ABCC9: variants seen among roughly 807,000 people sequenced by gnomAD.
The protein encoded by ABCC9 is ATP-binding cassette sub-family C member 9.
ABCC9 carries 95 observed loss-of-function variants against 188.3 expected under a neutral mutation model. The ratio of observed to expected loss-of-function variants is 0.50; its 90% confidence interval spans 0.43 to 0.60. The LOEUF is 0.60. Among genes scored for constraint, ABCC9 ranks in the 20% least tolerant of loss-of-function variants. The probability of loss-of-function intolerance (pLI) is 0.00; values close to 1 mark genes in which losing one functional copy is unlikely to be tolerated. For missense variants in ABCC9, 1,102 were observed against 1,876.3 expected, an observed-to-expected ratio of 0.59 and a Z score of 7.62; for synonymous variants, 659 against 652.7, an observed-to-expected ratio of 1.01 and a Z score of -0.15.
At chr12:21,896,082 T>TC (rs924353451) in intron 12 of ABCC9, among the ~76,000 whole-genome samples, 2 of 48,174 alleles carry the variant, frequency 4.2e-5, no homozygotes, top group East Asian at 4.0e-4. Flanking sequence ...TAATTTTCTT[T>TC]TTTTTTTTTT....
intron 12 of ABCC9, among the ~76,000 whole-genome samples, chr12:21,901,369 A>G (rs1947741181): frequency 6.6e-6 from 1 of 152,328 alleles, no homozygotes; most frequent in Admixed American, 6.5e-5. Flanking sequence ...TTTAAAGCCC[A>G]TCGATGCTAG....
At chr12:21,891,673 A>G (rs1210622195) in intron 14 of ABCC9, among the ~76,000 whole-genome samples, 1 of 152,200 alleles carries the variant, frequency 6.6e-6, no homozygotes, top group Non-Finnish European at 1.5e-5. Context: ...TCTTACATGC[A>G]TGTATAGCAC....
chr12:21,882,666 CAATTT>C (rs1435828212), intron 16 of ABCC9, 95 bp downstream of exon 16: 1 of 1,096,070 alleles, frequency 9.1e-7, no homozygotes, highest in African/African-American at 1.6e-5. Flanking sequence ...ACTGTAAAAA[CAATTT>C]AAAGGCACAA....
At chr12:21,817,960 C>T (rs763990022) in intron 32 of ABCC9, among the ~76,000 whole-genome samples, 190 bp downstream of exon 32, 10 of 151,980 alleles carry the variant, frequency 6.6e-5, no homozygotes, top group Non-Finnish European at 1.3e-4. Context: ...TATACGTGTG[C>T]CATGATGGTT....
At chr12:21,829,700 C>T (rs1294355622) in intron 30 of ABCC9, among the ~76,000 whole-genome samples, 2 of 152,000 alleles carry the variant, frequency 1.3e-5, no homozygotes, top group Non-Finnish European at 1.5e-5. Flanking sequence ...AAAGCATAGC[C>T]TACTACATTA....
chr12:21,841,860 A>G (rs1015394330), intron 29 of ABCC9, among the ~76,000 whole-genome samples: 1 of 152,284 alleles, frequency 6.6e-6, no homozygotes, highest in East Asian at 1.9e-4. Context: ...GTCAGGATAG[A>G]TTTCATTATG....
intron 16 of ABCC9, among the ~76,000 whole-genome samples, chr12:21,878,030 G>A (rs530914562): frequency 1.3e-5 from 2 of 152,100 alleles, no homozygotes; most frequent in African/African-American, 2.4e-5. Context: ...AACAATGACC[G>A]TGAAATTAAA....
Position 21,915,517 on chromosome 12 carries a change from T to TTTA in ABCC9, c.816+150_816+151insTAA, listed in dbSNP as rs1948563479. ...GTGTGTGTGTATATATATATATATT[T>TTTA]TTTTTTTTTTTTTGAGACAGAGTCT... On this transcript the variant is annotated intron_variant, in intron 7 of 39. Transcript: ENST00000261200. 1.3e-4 allele frequency: 6 copies of TTTA among 44,916 alleles called. 1 individual carries two copies. The highest frequency in any genetic ancestry group is 5.5e-4 in the Admixed American group (2 of 3,618). 2.8% of individuals were successfully genotyped at this position (44,916 alleles called of 1,614,324 possible).
At chr12:21,923,241 C>T (rs2137978578) in intron 5 of ABCC9, 1 of 151,434 alleles carries the variant, frequency 6.6e-6, no homozygotes, top group South Asian at 2.1e-4. Context: ...ACAAAGATGT[C>T]TTAAGACACA....
intron 31 of ABCC9, among the ~76,000 whole-genome samples, chr12:21,820,892 C>T (rs760932378): frequency 6.6e-6 from 1 of 152,056 alleles, no homozygotes; most frequent in Non-Finnish European, 1.5e-5. Flanking sequence ...ATCTTATTTG[C>T]TTATTTGTTT....
At chr12:21,817,398 A>G (rs991969795) in intron 32 of ABCC9, 91 bp from the exon 33 acceptor site, 13 of 1,254,644 alleles carry the variant, frequency 1.0e-5, no homozygotes, top group South Asian at 9.9e-5. Flanking sequence ...GATAACTTGG[A>G]CCATTAGTGT....
At chr12:21,841,572 T>A (rs1488867971) in intron 29 of ABCC9, among the ~76,000 whole-genome samples, 1 of 151,846 alleles carries the variant, frequency 6.6e-6, no homozygotes, top group Non-Finnish European at 1.5e-5. Context: ...TTGGTCAGGC[T>A]GGTCTCGAAC....
chr12:21,894,310 A>C, intron 13 of ABCC9, 136 bp from the exon 14 acceptor site: 1 of 1,025,702 alleles, frequency 9.7e-7, no homozygotes, highest in South Asian at 1.4e-5. Flanking sequence ...TTCATCCAAA[A>C]CTCCCTAATT....
chr12:21,907,375 A>G (rs957903755), intron 11 of ABCC9, among the ~76,000 whole-genome samples: 20 of 152,058 alleles, frequency 1.3e-4, no homozygotes, highest in African/African-American at 4.6e-4. Flanking sequence ...TTGAGAAACA[A>G]TCCTGTCAGT....
chr12:21,797,809 C>T lies in ABCC9; in HGVS notation c.*3235G>A, dbSNP rs750479448. The T allele has an allele frequency of 2.6e-5, 4 of 151,814 alleles. No individual in the cohort carries two copies. The highest frequency in any genetic ancestry group is 5.9e-5 in the Non-Finnish European group (4 of 67,972). The allele number at this position is 151,814 out of a possible 1,614,324, so 9.4% of individuals were successfully genotyped here. On this transcript the variant is annotated 3_prime_UTR_variant, in exon 40 of 40. Coordinates refer to ENST00000261200, the MANE Select transcript of ABCC9 (RefSeq NM_020297.4). ...TTTCCCTGTCAATGACATAAGTAAC[C>T]CTGGTATTTTAATATAATGCTTTAT...
At chr12:21,896,332 T>C (rs1207053048) in intron 12 of ABCC9, among the ~76,000 whole-genome samples, 1 of 152,162 alleles carries the variant, frequency 6.6e-6, no homozygotes, top group Admixed American at 6.5e-5. Flanking sequence ...TTGTCAAACA[T>C]AGACTCTTGT....
At chr12:21,801,273 C>A in intron 39 of ABCC9, 92 bp from the exon 40 acceptor site, 3 of 1,541,160 alleles carry the variant, frequency 1.9e-6, no homozygotes, top group Non-Finnish European at 2.7e-6. Flanking sequence ...TATTCTGGGA[C>A]ATTTGTTTAT....
intron 35 of ABCC9, 66 bp downstream of exon 35, chr12:21,814,578 G>A (rs900917228): frequency 1.4e-5 from 19 of 1,321,648 alleles, no homozygotes; most frequent in Non-Finnish European, 2.1e-5. Context: ...GCAGGATTAG[G>A]TAAATTGATG....
At chr12:21,804,545 C>T (rs1056202351) in intron 39 of ABCC9, among the ~76,000 whole-genome samples, 2 of 152,138 alleles carry the variant, frequency 1.3e-5, no homozygotes, top group Non-Finnish European at 2.9e-5. Flanking sequence ...ATCATTCACA[C>T]CTTAATATGA....
Sources: allele counts gnomAD v4.1 joint callset (sites outside exome capture counted in the v4.1 genomes callset), GRCh38; gene constraint gnomAD v4.1.1; transcripts MANE v1.5; gene names NCBI Gene and HGNC (gene_info 2026-07-23, HGNC 2026-07-21).